Variants in CDH18 observed in about 807,000 individuals in gnomAD.
CDH18 encodes the protein cadherin 18.
A neutral mutation model predicts 67.9 loss-of-function variants in CDH18; 31 were observed. The observed-to-expected ratio is 0.46, with a 90% CI of 0.34 to 0.62. The LOEUF is 0.62. Among genes scored for constraint, CDH18 ranks in the 20% least tolerant of loss-of-function variants. The pLI is 0.01. For missense variants in CDH18, 890 were observed against 975.5 expected, an observed-to-expected ratio of 0.91 and a Z score of 1.17; for synonymous variants, 362 against 347.2, an observed-to-expected ratio of 1.04 and a Z score of -0.48.
chr5:19,557,073 GACAA>G (rs1738575516), intron 8 of CDH18, among the ~76,000 whole-genome samples: 1 of 151,992 alleles, frequency 6.6e-6, no homozygotes. Flanking sequence ...GTCTTTTTCA[GACAA>G]ACAAATGCTG....
At chr5:19,711,670 C>CAAAAAAAAAAAAAAAAA (rs1764728086) in intron 5 of CDH18, among the ~76,000 whole-genome samples, 1 of 111,278 alleles carries the variant, frequency 9.0e-6, no homozygotes. Context: ...AAAAAAAAAG[C>CAAAAAAAAAAAAAAAAA]AAATGTTGGA....
At chr5:19,924,208 C>T (rs1262529536) in intron 2 of CDH18, among the ~76,000 whole-genome samples, 1 of 152,186 alleles carries the variant, frequency 6.6e-6, no homozygotes, top group South Asian at 2.1e-4. Flanking sequence ...GAGTCATGCT[C>T]CTTTGGCACA....
intron 3 of CDH18, among the ~76,000 whole-genome samples, chr5:19,770,078 G>C (rs1196633352): frequency 6.6e-6 from 1 of 152,088 alleles, no homozygotes; most frequent in Admixed American, 6.6e-5. Context: ...ATAAGTAGTG[G>C]CAAGGGTAAG....
intron 1 of CDH18, among the ~76,000 whole-genome samples, chr5:20,566,208 T>C (rs143746296): frequency 6.6e-6 from 1 of 152,188 alleles, no homozygotes; most frequent in East Asian, 1.9e-4. Context: ...CATCAAGTAA[T>C]AGAAGGCTAG....
Position 20,452,660 on chromosome 5 carries a change from G to A in CDH18, c.-580+122802C>T, listed in dbSNP as rs1471835707. Among the ~76,000 whole-genome samples the A allele has an allele frequency of 6.6e-5, 10 of 152,172 alleles. No individual in the cohort carries two copies. The East Asian group carries it at 1.7e-3, about 26-fold the overall frequency. ...TCAGAAAAAAATAACTATTGTGTAT[G>A]AGGCTTAGTACCTGAGTGATGAAAT... On this transcript the variant is annotated intron_variant, in intron 1 of 14. Transcript: ENST00000507958.
chr5:20,048,307 G>A (rs1741085143), intron 2 of CDH18, among the ~76,000 whole-genome samples: 3 of 151,316 alleles, frequency 2.0e-5, no homozygotes, highest in African/African-American at 7.3e-5. Flanking sequence ...CACTAATTTA[G>A]TGTATCATAA....
At chr5:19,566,241 T>G (rs1740372395) in intron 8 of CDH18, among the ~76,000 whole-genome samples, 1 of 152,074 alleles carries the variant, frequency 6.6e-6, no homozygotes, top group South Asian at 2.1e-4. Context: ...TGGCAAAGGA[T>G]GTGGAGAAAA....
At chr5:19,662,066 G>A (rs965895366) in intron 5 of CDH18, among the ~76,000 whole-genome samples, 7 of 151,732 alleles carry the variant, frequency 4.6e-5, no homozygotes, top group Admixed American at 1.3e-4. Context: ...ATGGCAATGC[G>A]TGGGTTCTGC....
upstream of CDH18, among the ~76,000 whole-genome samples, chr5:19,989,122 C>T (rs912683166): frequency 6.6e-6 from 1 of 152,100 alleles, no homozygotes; most frequent in Non-Finnish European, 1.5e-5. Flanking sequence ...TACTTTCTCC[C>T]CGCACGAAGT....
At chr5:19,744,540 A>AC (rs55851638) in intron 4 of CDH18, among the ~76,000 whole-genome samples, 3 of 150,566 alleles carry the variant, frequency 2.0e-5, no homozygotes, top group African/African-American at 4.9e-5. Flanking sequence ...ACACACACAC[A>AC]TCTATTCCAG....
chr5:20,531,490 A>C (rs1483152408), intron 1 of CDH18, among the ~76,000 whole-genome samples: 1 of 152,098 alleles, frequency 6.6e-6, no homozygotes, highest in African/African-American at 2.4e-5. Flanking sequence ...ATTCAATCCA[A>C]ATGCCCATCA....
At chr5:20,258,904 T>C (rs1490935667) in intron 1 of CDH18, among the ~76,000 whole-genome samples, 2 of 152,090 alleles carry the variant, frequency 1.3e-5, no homozygotes, top group Non-Finnish European at 2.9e-5. Flanking sequence ...GGTCAAACCC[T>C]AGTTAAAACC....
chr5:19,503,076 C>A lies in CDH18; in HGVS notation c.1546G>T (p.Asp516Tyr). The stretch of plus-strand genomic sequence containing the variant: ...TTAAACCTTGGTCCATTGGCAAAAT[C>A]ATCTTTATCAGTGGCACTGATGGTA... ...IHTISATDKD[D>Y]FANGPRFNFF... The change falls in exon 11 of 13, where the codon GAT becomes TAT. Residue 516 changes from aspartate to tyrosine, a missense_variant. Coordinates refer to ENST00000382275, the MANE Select transcript of CDH18 (RefSeq NM_004934.5). 1 of 1,609,510 alleles carries A rather than the reference C, an allele frequency of 6.2e-7. No individual in the cohort carries two copies. Among genetic ancestry groups the A allele is most frequent in the Non-Finnish European group, 8.5e-7 (1 of 1,175,998 alleles).
intron 2 of CDH18, among the ~76,000 whole-genome samples, chr5:19,960,813 AC>A (rs1796811140): frequency 6.7e-6 from 1 of 149,844 alleles, no homozygotes; most frequent in African/African-American, 2.5e-5. Context: ...ATATACACAC[AC>A]ACACGCACAC....
chr5:19,731,427 G>A (rs1207837871), intron 4 of CDH18, among the ~76,000 whole-genome samples: 2 of 152,036 alleles, frequency 1.3e-5, no homozygotes, highest in Admixed American at 6.6e-5. Context: ...CTCCAGCCTG[G>A]GTGACAGAGT....
intron 1 of CDH18, among the ~76,000 whole-genome samples, chr5:20,264,142 T>G (rs186696123): frequency 1.3e-5 from 2 of 152,220 alleles, no homozygotes; most frequent in Admixed American, 1.3e-4. Flanking sequence ...ATAATTTTTC[T>G]GAGTTATTTA....
At chr5:19,698,011 T>C (rs1449083774) in intron 5 of CDH18, among the ~76,000 whole-genome samples, 1 of 152,148 alleles carries the variant, frequency 6.6e-6, no homozygotes, top group Admixed American at 6.6e-5. Context: ...TGAGGCTACT[T>C]TTAAATACTG....
At chr5:20,176,134 A>G (rs1387800163) in intron 2 of CDH18, among the ~76,000 whole-genome samples, 1 of 152,120 alleles carries the variant, frequency 6.6e-6, no homozygotes, top group African/African-American at 2.4e-5. Flanking sequence ...AGGAACACAG[A>G]AGGACCACTG....
chr5:20,379,151 A>G (rs1743701709), intron 1 of CDH18, among the ~76,000 whole-genome samples: 1 of 152,196 alleles, frequency 6.6e-6, no homozygotes, highest in Non-Finnish European at 1.5e-5. Context: ...CTTGAATAAA[A>G]CACAAAGAGA....
Sources: allele counts gnomAD v4.1 joint callset (sites outside exome capture counted in the v4.1 genomes callset), GRCh38; gene constraint gnomAD v4.1.1; transcripts MANE v1.5; gene names NCBI Gene and HGNC (gene_info 2026-07-23, HGNC 2026-07-21).